KCNJ16: variants seen among roughly 807,000 people sequenced by gnomAD.
The protein encoded by KCNJ16 is inward rectifier potassium channel 16.
A neutral mutation model predicts 18.5 loss-of-function variants in KCNJ16; 15 were observed. The ratio of observed to expected loss-of-function variants is 0.81; its 90% CI spans 0.54 to 1.25. KCNJ16 has a LOEUF of 1.25. Among genes scored for constraint, KCNJ16 ranks in the 50% most tolerant of loss-of-function variants. The pLI, the probability that KCNJ16 is intolerant of heterozygous loss-of-function variation, is 0.00. For synonymous variants in KCNJ16, 174 were observed against 186.5 expected (o/e 0.93, Z 0.55); for missense variants, 523 against 525.7 (o/e 0.99, Z 0.05).
At chr17:70,126,209 G>C (rs528387178) in intron 2 of KCNJ16, among the ~76,000 whole-genome samples, 171 of 152,308 alleles carry the variant, frequency 1.1e-3, no homozygotes, top group Non-Finnish European at 1.8e-3. Flanking sequence ...GTTTAAGAAT[G>C]CTTTTGTTCT....
chr17:70,118,382 CATGTATCCAAGAACTT>C (rs1220994943), intron 2 of KCNJ16, among the ~76,000 whole-genome samples: 2 of 151,442 alleles, frequency 1.3e-5, no homozygotes, highest in African/African-American at 4.9e-5. Context: ...ATGTTCTGCA[CATGTATCCAAGAACTT>C]AATGTATCAT....
rs200479019 is a variant in KCNJ16 at position 70,133,288 on chromosome 17, C to G, written c.1201C>G (p.Pro401Ala). The change falls in exon 4 of 4, where the codon CCT (proline) becomes GCT (alanine). Residue 401 changes from proline (P) to alanine (A), a missense_variant. Pro to Ala is a conservative substitution (Grantham distance 27). Coordinates refer to ENST00000392671, the MANE Select transcript of KCNJ16 (RefSeq NM_170741.4). The part of the protein sequence containing the change: ...TSATHEYRET[P>A]YQKALLTLNR... ...CGCCACACATGAATATAGGGAAACA[C>G]CTTATCAGAAAGCTCTCCTGACTTT... 10 of 1,614,058 alleles carry G rather than the reference C, an allele frequency of 6.2e-6. No individual in the cohort carries two copies. The East Asian group carries it at 2.0e-4, about 32-fold the overall frequency.
intron 1 of KCNJ16, among the ~76,000 whole-genome samples, chr17:70,078,245 C>A (rs542973311): frequency 6.6e-6 from 1 of 152,080 alleles, no homozygotes; most frequent in South Asian, 2.1e-4. Context: ...ACATTCTCCC[C>A]CTCCTAAAAC....
chr17:70,107,334 A>G (rs953397582), intron 2 of KCNJ16, among the ~76,000 whole-genome samples: 11 of 152,338 alleles, frequency 7.2e-5, no homozygotes, highest in African/African-American at 2.6e-4. Context: ...CTAATAAGCC[A>G]TATCATCAAA....
At chr17:70,078,354 TA>T (rs5821753) in intron 1 of KCNJ16, among the ~76,000 whole-genome samples, 129,792 of 151,904 alleles carry the variant, frequency 0.85, 55,555 homozygotes, top group East Asian at 0.99. Flanking sequence ...CAACTCCGCA[TA>T]AAAAAAAGGT....
rs1598068649 is a variant in KCNJ16, at chr17:70,075,294, C to T, written c.-396C>T. 1 of 152,102 alleles carries T rather than the reference C, an allele frequency of 6.6e-6. No homozygotes were observed. The highest frequency in any genetic ancestry group is 1.9e-4 in the East Asian group (1 of 5,184). The allele number at this position is 152,102 out of a possible 1,614,324, so 9.4% of individuals were successfully genotyped here. On this transcript the variant is annotated 5_prime_UTR_variant, in exon 1 of 4. Coordinates refer to ENST00000392671, the MANE Select transcript of KCNJ16 (RefSeq NM_170741.4). Reference sequence around the variant, plus strand: ...TAACCCAGGTTCTTGGTGTCTGGAGCTTTTCTTTCCTTTATTATTAACTAA... The same window carrying T: ...TAACCCAGGTTCTTGGTGTCTGGAGTTTTTCTTTCCTTTATTATTAACTAA...
intron 2 of KCNJ16, among the ~76,000 whole-genome samples, chr17:70,124,705 G>A (rs766607219): frequency 5.3e-5 from 8 of 152,174 alleles, no homozygotes; most frequent in Non-Finnish European, 1.0e-4. Context: ...TTTCAGAACC[G>A]TCTTAGTAAA....
intron 1 of KCNJ16, among the ~76,000 whole-genome samples, chr17:70,086,332 T>C (rs1290462345): frequency 6.6e-6 from 1 of 152,206 alleles, no homozygotes; most frequent in Non-Finnish European, 1.5e-5. Flanking sequence ...CTGTATTTCC[T>C]TGGTTCAGAA....
At chr17:70,128,574 A>G (rs2073941291) in intron 2 of KCNJ16, 1 of 152,170 alleles carries the variant, frequency 6.6e-6, no homozygotes, top group Non-Finnish European at 1.5e-5. Context: ...ACTCTAAGTC[A>G]TTTCTAAGCC....
At chr17:70,087,895 G>A (rs1468230461) in intron 1 of KCNJ16, among the ~76,000 whole-genome samples, 12 of 151,482 alleles carry the variant, frequency 7.9e-5, no homozygotes, top group South Asian at 2.1e-4. Context: ...TTGCAATTAC[G>A]TAAAAGGAAA....
intron 2 of KCNJ16, among the ~76,000 whole-genome samples, chr17:70,124,797 T>G (rs2073791893): frequency 6.6e-6 from 1 of 152,238 alleles, no homozygotes; most frequent in African/African-American, 2.4e-5. Context: ...TTGCTAATCT[T>G]GTCAGTCCTG....
intron 2 of KCNJ16, among the ~76,000 whole-genome samples, chr17:70,127,104 A>G (rs1001717036): frequency 1.3e-5 from 2 of 152,186 alleles, no homozygotes; most frequent in African/African-American, 4.8e-5. Context: ...GATAAATTGT[A>G]AAGTTATATC....
At chr17:70,125,981 C>T (rs901487924) in intron 2 of KCNJ16, among the ~76,000 whole-genome samples, 1 of 151,798 alleles carries the variant, frequency 6.6e-6, no homozygotes, top group Admixed American at 6.6e-5. Flanking sequence ...TAAAGAATAG[C>T]TACTCTATAG....
At chr17:70,098,610 A>G (rs2072489876) in intron 1 of KCNJ16, among the ~76,000 whole-genome samples, 1 of 150,650 alleles carries the variant, frequency 6.6e-6, no homozygotes, top group Non-Finnish European at 1.5e-5. Flanking sequence ...TATAGATATT[A>G]TTAAATTATA....
At chr17:70,076,865 T>C (rs2071335226) in intron 1 of KCNJ16, among the ~76,000 whole-genome samples, 1 of 152,156 alleles carries the variant, frequency 6.6e-6, no homozygotes, top group African/African-American at 2.4e-5. Flanking sequence ...ATTTTCTTTG[T>C]TAAATTAGTA....
chr17:70,111,228 T>G (rs1453183124), intron 2 of KCNJ16, among the ~76,000 whole-genome samples: 1 of 152,210 alleles, frequency 6.6e-6, no homozygotes, highest in African/African-American at 2.4e-5. Flanking sequence ...TTGCTTAGCT[T>G]GTTAATTTGC....
At chr17:70,103,780 T>C (rs2072782840) in intron 2 of KCNJ16, among the ~76,000 whole-genome samples, 1 of 152,142 alleles carries the variant, frequency 6.6e-6, no homozygotes, top group African/African-American at 2.4e-5. Flanking sequence ...CATGTTCATT[T>C]GGCTGTCAGA....
intron 2 of KCNJ16, among the ~76,000 whole-genome samples, chr17:70,106,121 A>C (rs1158752792): frequency 1.3e-5 from 2 of 152,194 alleles, no homozygotes; most frequent in African/African-American, 4.8e-5. Context: ...AGGTCAGCTA[A>C]AATTAAGAAG....
chr17:70,099,379 C>CAGAG (rs1386628876), intron 1 of KCNJ16, among the ~76,000 whole-genome samples: 1 of 152,018 alleles, frequency 6.6e-6, no homozygotes, highest in East Asian at 1.9e-4. Flanking sequence ...ACTTGTTTTG[C>CAGAG]AGAGCTTCAG....
Sources: gnomAD v4.1 joint callset for allele counts (sites outside exome capture counted in the v4.1 genomes callset) on GRCh38, gnomAD v4.1.1 for gene constraint, MANE v1.5 for transcripts, NCBI Gene and HGNC (gene_info 2026-07-23, HGNC 2026-07-21) for gene names.